TSHZ2: variants seen among roughly 807,000 people sequenced by gnomAD.
TSHZ2 encodes the protein teashirt homolog 2.
In TSHZ2, 21 loss-of-function variants were observed where a neutral mutation model predicts 74.4. The observed-to-expected ratio is 0.28, with a 90% CI of 0.20 to 0.41. The LOEUF is 0.41. Ranked by LOEUF, TSHZ2 falls within the 10% of genes least tolerant of loss-of-function variation. The probability of loss-of-function intolerance (pLI) is 1.00; values close to 1 mark genes in which losing one functional copy is unlikely to be tolerated. For synonymous variants in TSHZ2, 540 were observed against 515.3 expected (o/e 1.05, Z -0.65); for missense variants, 1,244 against 1,293.5 (o/e 0.96, Z 0.59).
chr20:53,167,414 C>T (rs1988088349), intron 1 of TSHZ2, among the ~76,000 whole-genome samples: 1 of 152,138 alleles, frequency 6.6e-6, no homozygotes, highest in African/African-American at 2.4e-5. Flanking sequence ...AATAACTTTC[C>T]TAAAATCACA....
intron 1 of TSHZ2, among the ~76,000 whole-genome samples, chr20:53,215,331 G>C (rs1003891450): frequency 6.6e-6 from 1 of 152,000 alleles, no homozygotes; most frequent in Admixed American, 6.6e-5. Context: ...TTTGAGAGCT[G>C]CCTGTCATAT....
intron 1 of TSHZ2, among the ~76,000 whole-genome samples, chr20:53,124,360 A>G (rs1236278076): frequency 6.6e-6 from 1 of 152,216 alleles, no homozygotes; most frequent in Non-Finnish European, 1.5e-5. Flanking sequence ...GCTGAATTTC[A>G]TTCCTAATGA....
intron 1 of TSHZ2, among the ~76,000 whole-genome samples, chr20:53,068,484 C>T (rs1423839463): frequency 1.3e-5 from 2 of 152,126 alleles, no homozygotes; most frequent in Non-Finnish European, 2.9e-5. Flanking sequence ...TTATTCCCTA[C>T]TGCGTTACTT....
chr20:53,228,506 T>A (rs1173302180), intron 1 of TSHZ2, among the ~76,000 whole-genome samples: 1 of 152,208 alleles, frequency 6.6e-6, no homozygotes, highest in African/African-American at 2.4e-5. Flanking sequence ...CTATTGAGAT[T>A]CGGGGTCCGG....
rs746587508 is a variant in TSHZ2 at position 53,255,235 on chromosome 20, C to T, written c.1777C>T (p.His593Tyr). The change falls in exon 2 of 3, where the codon CAC becomes TAC. Residue 593 changes from histidine (H) to tyrosine (Y), a missense_variant. Physicochemically the swap from His to Tyr is moderately conservative, Grantham distance 83 (BLOSUM62 2). This residue lies in a region of TSHZ2 where 562 missense variants were observed against 544.0 expected (regional missense o/e 1.03). Coordinates refer to ENST00000371497, the MANE Select transcript of TSHZ2 (RefSeq NM_173485.6). This position sits in a 1 kb window ranked among gnomAD's most constrained non-coding sequence, Gnocchi z 4.1. ...GATGCCACTGGTTTCTATGCCCACACACCTGGCCCCTTACACTCAAGTCAA... is the reference window on the plus strand; with the variant it reads ...GATGCCACTGGTTTCTATGCCCACATACCTGGCCCCTTACACTCAAGTCAA... ...KVMPLVSMPT[H>Y]LAPYTQVKKE... 50 of 1,614,092 alleles carry T rather than the reference C, an allele frequency of 3.1e-5. No homozygotes were observed. Among genetic ancestry groups the T allele is most frequent in the Non-Finnish European group, 3.9e-5 (46 of 1,180,052 alleles).
At chr20:53,131,154 G>A (rs1009913788) in intron 1 of TSHZ2, among the ~76,000 whole-genome samples, 11 of 152,128 alleles carry the variant, frequency 7.2e-5, no homozygotes, top group Non-Finnish European at 8.8e-5. Context: ...ACTCCTGAAC[G>A]TTTTGTTATG....
intron 1 of TSHZ2, among the ~76,000 whole-genome samples, chr20:53,030,595 C>T (rs1337749758): frequency 6.6e-6 from 1 of 152,122 alleles, no homozygotes; most frequent in Non-Finnish European, 1.5e-5. Flanking sequence ...TGGAGATATT[C>T]TTAAATAGGT....
intron 1 of TSHZ2, among the ~76,000 whole-genome samples, chr20:53,249,337 G>A (rs1397384955): frequency 6.6e-6 from 1 of 152,192 alleles, no homozygotes; most frequent in African/African-American, 2.4e-5. Context: ...ATAGTTTGTG[G>A]ACATCACTCT....
intron 1 of TSHZ2, among the ~76,000 whole-genome samples, chr20:53,052,293 C>A (rs571443316): frequency 1.3e-5 from 2 of 152,156 alleles, no homozygotes; most frequent in African/African-American, 4.8e-5. Flanking sequence ...CCCTGAGCTG[C>A]GGGTCGCTAC....
chr20:53,163,450 T>A (rs969373718), intron 1 of TSHZ2, among the ~76,000 whole-genome samples: 6 of 146,544 alleles, frequency 4.1e-5, no homozygotes, highest in South Asian at 2.1e-4. Flanking sequence ...TATTTTATTT[T>A]ATTTTATTTT....
chr20:53,188,234 C>T (rs1281732172), intron 1 of TSHZ2, among the ~76,000 whole-genome samples: 4 of 152,154 alleles, frequency 2.6e-5, no homozygotes, highest in Admixed American at 6.5e-5. Flanking sequence ...GGAGGGCCAG[C>T]CATGTATCAT....
intron 2 of TSHZ2, chr20:53,421,681 GTTTTT>G (rs34083391): frequency 4.7e-5 from 4 of 85,580 alleles, no homozygotes; most frequent in African/African-American, 1.1e-4. Context: ...TATGTTTTTG[GTTTTT>G]TTTTTTTTTT....
intron 1 of TSHZ2, among the ~76,000 whole-genome samples, chr20:53,080,578 GC>G (rs1427503231): frequency 1.3e-5 from 2 of 152,136 alleles, no homozygotes; most frequent in Non-Finnish European, 2.9e-5. Flanking sequence ...GGATGATCAG[GC>G]ATTAGTTAGA....
At chr20:52,988,240 C>A (rs960743970) in intron 1 of TSHZ2, among the ~76,000 whole-genome samples, 2 of 152,132 alleles carry the variant, frequency 1.3e-5, no homozygotes, top group African/African-American at 2.4e-5. Context: ...CTAACATTTA[C>A]CAAGCACTGG....
intron 2 of TSHZ2, among the ~76,000 whole-genome samples, chr20:53,346,743 G>A (rs980001387): frequency 2.0e-5 from 3 of 152,200 alleles, no homozygotes; most frequent in African/African-American, 4.8e-5. Flanking sequence ...TCGCAACTGC[G>A]TAGGTCATTG....
chr20:53,121,801 G>A (rs551763334), intron 1 of TSHZ2, among the ~76,000 whole-genome samples: 61 of 152,146 alleles, frequency 4.0e-4, no homozygotes, highest in African/African-American at 1.3e-3. Context: ...TAAGTTTCTC[G>A]GGGAAGTCGA....
intron 2 of TSHZ2, among the ~76,000 whole-genome samples, chr20:53,427,790 G>C (rs1600631143): frequency 2.0e-5 from 3 of 152,138 alleles, no homozygotes; most frequent in East Asian, 3.8e-4. Context: ...GTCTTCTCCA[G>C]TGAATCCCAG....
intron 1 of TSHZ2, among the ~76,000 whole-genome samples, chr20:53,164,760 G>A (rs1044355472): frequency 6.6e-6 from 1 of 152,082 alleles, no homozygotes; most frequent in Non-Finnish European, 1.5e-5. Flanking sequence ...TGAAGCTTTC[G>A]CCTTCCTAAC....
At chr20:53,265,505 C>T (rs944838394) in intron 2 of TSHZ2, among the ~76,000 whole-genome samples, 1 of 152,152 alleles carries the variant, frequency 6.6e-6, no homozygotes, top group Non-Finnish European at 1.5e-5. Context: ...CCTCCAGCCC[C>T]GCAGCGTTAA....
Sources: gnomAD v4.1 joint callset for allele counts (sites outside exome capture counted in the v4.1 genomes callset) on GRCh38, gnomAD v4.1.1 for gene constraint, gnomAD v4.1.1 regional missense constraint, Gnocchi (gnomAD v3.1) non-coding constraint, MANE v1.5 for transcripts, NCBI Gene and HGNC (gene_info 2026-07-23, HGNC 2026-07-21) for gene names.